TTC28: variants seen among roughly 807,000 people sequenced by gnomAD.
TTC28 encodes tetratricopeptide repeat domain 28, also known as tetratricopeptide repeat protein 28.
Under a neutral mutation model 198.0 loss-of-function variants are expected in TTC28, and 61 were observed. The ratio of observed to expected loss-of-function variants is 0.31; its 90% CI spans 0.25 to 0.38. The LOEUF (loss-of-function observed/expected upper bound fraction) is 0.38, where lower values mean the gene tolerates loss of function less well. Among genes scored for constraint, TTC28 ranks in the 10% least tolerant of loss-of-function variants. TTC28 has a pLI of 1.00. For synonymous variants in TTC28, 1,171 were observed against 1,297.8 expected, an observed-to-expected ratio of 0.90 and a Z score of 2.10; for missense variants, 2,678 against 3,164.0, an observed-to-expected ratio of 0.85 and a Z score of 3.69.
At chr22:28,418,857 T>TG (rs1267607651) in intron 2 of TTC28, among the ~76,000 whole-genome samples, 1 of 152,220 alleles carries the variant, frequency 6.6e-6, no homozygotes, top group African/African-American at 2.4e-5. Flanking sequence ...AATTTGGAAG[T>TG]GGGAAAATCA....
At position 28,391,461 on chromosome 22, in the gene TTC28, C is replaced by T. The variant is rs369867530; in HGVS notation, c.382-84818G>A. On this transcript the variant is annotated intron_variant, in intron 2 of 22. Coordinates refer to ENST00000397906, the MANE Select transcript of TTC28 (RefSeq NM_001145418.2). ...TTTTCCAACTTGGTTCCATTCTCCC[C>T]GTCACTTTCAGGTACACCAATCAGA... is the stretch of plus-strand genomic sequence containing the variant. 8.3e-4 allele frequency among the ~76,000 whole-genome samples: 127 copies of T among 152,298 alleles called. 1 individual carries two copies. The Middle Eastern group carries it at 0.014, about 16-fold the overall frequency.
chr22:28,108,269 C>G lies in TTC28; in HGVS notation c.1576G>C (p.Ala526Pro). Residue 526 changes from alanine to proline, a missense_variant, in exon 7 of 23, where the codon GCC becomes CCC. This residue lies in a region of TTC28 where 775 missense variants were observed against 845.9 expected (regional missense o/e 0.92). Transcript: ENST00000397906. Reference sequence around the variant, plus strand: ...ACCGCCTGGTCGTACATGCCCAGGGCATTGTAGGCATTGCCCATATTCCCA... The same window carrying G: ...ACCGCCTGGTCGTACATGCCCAGGGGATTGTAGGCATTGCCCATATTCCCA... ...AYGNMGNAYN[A>P]LGMYDQAVKY... is the part of the protein sequence containing the mutation. 1 of 1,549,350 alleles carries G rather than the reference C, an allele frequency of 6.5e-7. No individual in the cohort carries two copies. Among genetic ancestry groups the G allele is most frequent in the Non-Finnish European group, 8.7e-7 (1 of 1,145,136 alleles).
intron 12 of TTC28, among the ~76,000 whole-genome samples, chr22:28,085,461 TGACA>T (rs1941549038): frequency 6.6e-6 from 1 of 152,280 alleles, no homozygotes; most frequent in African/African-American, 2.4e-5. Context: ...AAGCAAATGC[TGACA>T]GATTTTGTCA....
Position 28,313,007 on chromosome 22 carries a change from T to G in TTC28, c.382-6364A>C, listed in dbSNP as rs149481158. Among the ~76,000 whole-genome samples, 265 of 151,460 alleles carry G rather than the reference T, an allele frequency of 1.7e-3. 2 individuals carry two copies. The highest frequency in any genetic ancestry group is 6.3e-3 in the African/African-American group (262 of 41,304). On this transcript the variant is annotated intron_variant, in intron 2 of 22. Coordinates refer to ENST00000397906, the MANE Select transcript of TTC28 (RefSeq NM_001145418.2). ...AAAAAAGAGAAGAATCAAATAGACGTGATAAAAAATGATACAGGGGATATC... is the reference window on the plus strand; with the variant it reads ...AAAAAAGAGAAGAATCAAATAGACGGGATAAAAAATGATACAGGGGATATC...
intron 2 of TTC28, among the ~76,000 whole-genome samples, chr22:28,404,134 T>C (rs1300259945): frequency 2.0e-5 from 3 of 152,206 alleles, no homozygotes; most frequent in African/African-American, 4.8e-5. Flanking sequence ...TGTTTGTTTT[T>C]TGTGAGACAG....
chr22:28,101,512 C>A (rs1942152352), intron 8 of TTC28, among the ~76,000 whole-genome samples: 1 of 152,148 alleles, frequency 6.6e-6, no homozygotes, highest in South Asian at 2.1e-4. Flanking sequence ...GCACGGGCCA[C>A]CACAACCCGG....
At chr22:28,354,402 C>G (rs1263238599) in intron 2 of TTC28, among the ~76,000 whole-genome samples, 1 of 152,052 alleles carries the variant, frequency 6.6e-6, no homozygotes, top group African/African-American at 2.4e-5. Flanking sequence ...AAACATTATG[C>G]TAAGTAAAAT....
intron 2 of TTC28, among the ~76,000 whole-genome samples, chr22:28,363,426 T>G (rs1285365951): frequency 6.6e-6 from 1 of 152,202 alleles, no homozygotes; most frequent in African/African-American, 2.4e-5. Flanking sequence ...AGGCAGAAGT[T>G]TGCTGCAGGG....
chr22:28,552,904 AGCCTGTCGAGT>A (rs1359871684), intron 2 of TTC28, among the ~76,000 whole-genome samples: 1 of 151,740 alleles, frequency 6.6e-6, no homozygotes, highest in African/African-American at 2.4e-5. Context: ...CCCCTGCCTC[AGCCTGTCGAGT>A]GCCTGTGATT....
chr22:28,515,989 T>A (rs1006014594), intron 2 of TTC28, among the ~76,000 whole-genome samples: 2 of 151,842 alleles, frequency 1.3e-5, no homozygotes, highest in African/African-American at 2.4e-5. Context: ...TACTAAAAAA[T>A]ACAAAAATTA....
chr22:28,341,591 A>C (rs1171116747), intron 2 of TTC28, among the ~76,000 whole-genome samples: 1 of 152,178 alleles, frequency 6.6e-6, no homozygotes, highest in Non-Finnish European at 1.5e-5. Flanking sequence ...CAGGAGTTCA[A>C]GACCAGCCTG....
intron 2 of TTC28, among the ~76,000 whole-genome samples, chr22:28,318,114 T>C (rs948661298): frequency 3.3e-5 from 5 of 151,370 alleles, no homozygotes; most frequent in African/African-American, 1.2e-4. Context: ...CTTACTATGT[T>C]GTCCAGGCTG....
chr22:28,099,786 A>C (rs1278387053), intron 9 of TTC28, among the ~76,000 whole-genome samples: 1 of 152,206 alleles, frequency 6.6e-6, no homozygotes, highest in Non-Finnish European at 1.5e-5. Flanking sequence ...CATGGTGAGT[A>C]AGGATGGGAG....
chr22:28,093,966 G>T, intron 12 of TTC28, 114 bp downstream of exon 12: 1 of 1,125,566 alleles, frequency 8.9e-7, no homozygotes, highest in Non-Finnish European at 1.2e-6. Context: ...AACAGACTGA[G>T]CGCAACTACA....
intron 6 of TTC28, among the ~76,000 whole-genome samples, chr22:28,118,027 C>T (rs1453753761): frequency 1.3e-5 from 2 of 152,114 alleles, no homozygotes; most frequent in Admixed American, 1.3e-4. Flanking sequence ...GCATTATATG[C>T]TTGTATCAAA....
intron 5 of TTC28, among the ~76,000 whole-genome samples, chr22:28,209,304 C>T (rs1429756686): frequency 9.2e-5 from 14 of 152,312 alleles, no homozygotes; most frequent in Admixed American, 9.2e-4. Flanking sequence ...AGAGTGGGTG[C>T]AACCCACAGA....
At chr22:28,536,790 T>G (rs1274591598) in intron 2 of TTC28, among the ~76,000 whole-genome samples, 1 of 152,154 alleles carries the variant, frequency 6.6e-6, no homozygotes, top group Non-Finnish European at 1.5e-5. Context: ...CAATAGAATT[T>G]TTTAATTAGG....
chr22:28,307,157 A>T (rs558370932), intron 2 of TTC28, among the ~76,000 whole-genome samples: 42 of 152,324 alleles, frequency 2.8e-4, no homozygotes, highest in Non-Finnish European at 5.1e-4. Flanking sequence ...CTTACTTTTA[A>T]TATGTTGTTT....
chr22:28,112,825 G>T (rs1942524110), intron 6 of TTC28, among the ~76,000 whole-genome samples: 1 of 152,170 alleles, frequency 6.6e-6, no homozygotes, highest in Non-Finnish European at 1.5e-5. Context: ...CGTGCTGCAG[G>T]GAGGGGAATT....
Sources: gnomAD v4.1 joint callset for allele counts (sites outside exome capture counted in the v4.1 genomes callset) on GRCh38, gnomAD v4.1.1 for gene constraint, gnomAD v4.1.1 regional missense constraint, MANE v1.5 for transcripts, NCBI Gene and HGNC (gene_info 2026-07-23, HGNC 2026-07-21) for gene names.